PCDHGA7: variants seen among roughly 807,000 people sequenced by gnomAD.
PCDHGA7 encodes the protein protocadherin gamma subfamily A, 7.
Under a neutral mutation model 58.3 loss-of-function variants are expected in PCDHGA7, and 44 were observed. That is an observed-to-expected ratio of 0.75 (90% confidence interval 0.59 to 0.97). The LOEUF is 0.97. PCDHGA7 is among the 50% of genes least tolerant of loss of function. The pLI, the probability that PCDHGA7 is intolerant of heterozygous loss-of-function variation, is 0.00. For missense variants in PCDHGA7, 1,266 were observed against 1,188.7 expected, an observed-to-expected ratio of 1.06 and a Z score of -0.96; for synonymous variants, 516 against 504.2, an observed-to-expected ratio of 1.02 and a Z score of -0.31.
At chr5:141,404,806 G>A (rs774487660) in intron 1 of PCDHGA7, 29 of 1,613,874 alleles carry the variant, frequency 1.8e-5, no homozygotes, top group South Asian at 1.3e-4. Context: ...GGCTCTTCTC[G>A]GTGGGGCTGC....
At chr5:141,404,321 T>A (rs764642673) in intron 1 of PCDHGA7, 7 of 1,613,764 alleles carry the variant, frequency 4.3e-6, no homozygotes, top group Non-Finnish European at 3.4e-6. Flanking sequence ...TCAAGCCTCC[T>A]ACTCAGTCTA....
intron 1 of PCDHGA7, chr5:141,479,399 T>C (rs2099494765): frequency 6.6e-6 from 1 of 152,576 alleles, no homozygotes; most frequent in African/African-American, 2.4e-5. Flanking sequence ...AGTTCTGGGC[T>C]GTGGTGCACT....
intron 1 of PCDHGA7, among the ~76,000 whole-genome samples, chr5:141,464,886 A>T (rs541933775): frequency 5.2e-4 from 79 of 152,156 alleles, no homozygotes; most frequent in African/African-American, 1.9e-3. Flanking sequence ...CTACAGATGG[A>T]TGCCACCATG....
chr5:141,400,558 C>A, intron 1 of PCDHGA7: 1 of 1,613,290 alleles, frequency 6.2e-7, no homozygotes, highest in Non-Finnish European at 8.5e-7. Context: ...TTTTTCATTA[C>A]CCACCCAATT....
intron 1 of PCDHGA7, among the ~76,000 whole-genome samples, chr5:141,470,430 T>C (rs994304635): frequency 6.6e-6 from 1 of 152,232 alleles, no homozygotes; most frequent in Non-Finnish European, 1.5e-5. Flanking sequence ...TTTCCTTGTG[T>C]GCAATAATTT....
intron 3 of PCDHGA7, among the ~76,000 whole-genome samples, chr5:141,508,789 A>C: frequency 1.4e-5 from 2 of 145,944 alleles, no homozygotes; most frequent in African/African-American, 2.6e-5. Context: ...CCCCTAAATC[A>C]CTCTGGAATC....
intron 1 of PCDHGA7, among the ~76,000 whole-genome samples, chr5:141,474,705 A>C (rs114026580): frequency 0.01 from 1,561 of 152,324 alleles, 35 homozygotes; most frequent in African/African-American, 0.035. Context: ...TCAAGGTTCT[A>C]TTATACTTCA....
chr5:141,431,003 G>T lies in PCDHGA7; in HGVS notation c.2424+45680G>T, dbSNP rs2097334899. ...GCTTTTCGCCCTGAATCCGCGCAGC[G>T]GCAGCTTGGTCACGGCGGGCAGGAT... On this transcript the variant is annotated intron_variant, in intron 1 of 3. Coordinates refer to ENST00000518325, the MANE Select transcript of PCDHGA7 (RefSeq NM_018920.4). This position sits in a 1 kb window ranked among gnomAD's most constrained non-coding sequence, Gnocchi z 4.8. 1.9e-6 allele frequency: 3 copies of T among 1,613,960 alleles called. No homozygotes were observed. The highest frequency in any genetic ancestry group is 2.5e-6 in the Non-Finnish European group (3 of 1,179,982).
rs1243958567 is a variant in PCDHGA7, at chr5:141,418,557, T to C, written c.2424+33234T>C. 4.3e-6 allele frequency: 7 copies of C among 1,613,860 alleles called. No homozygotes were observed. The East Asian group carries it at 1.6e-4, about 36-fold the overall frequency. On this transcript the variant is annotated intron_variant, in intron 1 of 3. Coordinates refer to ENST00000518325, the MANE Select transcript of PCDHGA7 (RefSeq NM_018920.4). ...ACTGCTCAGATAAGAATCCTGGTAA[T>C]AGATGCCAATGACAACCCCCCAGTG... is the stretch of plus-strand genomic sequence containing the variant.
intron 2 of PCDHGA7, 145 bp downstream of exon 2, chr5:141,495,010 G>GT: frequency 6.6e-7 from 1 of 1,516,970 alleles, no homozygotes; most frequent in East Asian, 2.5e-5. Flanking sequence ...GTGTGCGGGG[G>GT]GCTGGCACAC....
rs774898388 is a variant in PCDHGA7, at chr5:141,491,593, A to G, written c.2425-3214A>G. 6.8e-6 allele frequency: 11 copies of G among 1,613,918 alleles called. No individual in the cohort carries two copies. In the Admixed American group the frequency reaches 1.2e-4, roughly 17 times the overall value. Reference sequence around the variant, plus strand: ...GTGCTTTTCACCGGCCTCGGACGGCAGTGACTTCACTTTTCTAAGACCCCT... The same window carrying G: ...GTGCTTTTCACCGGCCTCGGACGGCGGTGACTTCACTTTTCTAAGACCCCT... On this transcript the variant is annotated intron_variant, in intron 1 of 3. Transcript: ENST00000518325. This position sits in a 1 kb window ranked among gnomAD's most constrained non-coding sequence, Gnocchi z 6.9.
At chr5:141,400,860 A>G (rs77207205) in intron 1 of PCDHGA7, among the ~76,000 whole-genome samples, 6,447 of 152,342 alleles carry the variant, frequency 0.042, 220 homozygotes, top group African/African-American at 0.092. Flanking sequence ...TATTGTATGT[A>G]GATAAACCAT....
intron 2 of PCDHGA7, among the ~76,000 whole-genome samples, chr5:141,495,725 C>G (rs1339925752): frequency 1.3e-5 from 2 of 151,986 alleles, no homozygotes; most frequent in African/African-American, 4.8e-5. Flanking sequence ...TACACGGGAC[C>G]CTTAGTCTCT....
In PCDHGA7 at chr5:141,491,144, TGGA is replaced by T. The variant is rs757881044; in HGVS notation, c.2425-3659_2425-3657del. ...GAGGTGCGCACAGCCCGGGCCTTAC[TGGA>T]GGATGACTCTGACACCCAGCAGGTG... On this transcript the variant is annotated intron_variant, in intron 1 of 3. Coordinates refer to ENST00000518325, the MANE Select transcript of PCDHGA7 (RefSeq NM_018920.4). This position sits in a 1 kb window ranked among gnomAD's most constrained non-coding sequence, Gnocchi z 6.9. The T allele has an allele frequency of 1.2e-6, 2 of 1,614,158 alleles. No individual in the cohort carries two copies. The highest frequency in any genetic ancestry group is 2.2e-5 in the South Asian group (2 of 91,086).
In PCDHGA7 at chr5:141,431,326, T is replaced by G. The variant is rs1486136293; in HGVS notation, c.2424+46003T>G. 6.2e-7 allele frequency: 1 copy of G among 1,614,046 alleles called. No individual in the cohort carries two copies. Among genetic ancestry groups the G allele is most frequent in the Non-Finnish European group, 8.5e-7 (1 of 1,180,018 alleles). On this transcript the variant is annotated intron_variant, in intron 1 of 3. Transcript: ENST00000518325. This position sits in a 1 kb window ranked among gnomAD's most constrained non-coding sequence, Gnocchi z 4.8. Reference sequence around the variant, plus strand: ...TCGTGCAAAATGGAGCCGACGGTAGTAAGTACCCCGAATTGGTGCTGAAAC... The same window carrying G: ...TCGTGCAAAATGGAGCCGACGGTAGGAAGTACCCCGAATTGGTGCTGAAAC...
At chr5:141,458,064 C>T (rs886724551) in intron 1 of PCDHGA7, among the ~76,000 whole-genome samples, 14 of 152,104 alleles carry the variant, frequency 9.2e-5, no homozygotes, top group East Asian at 3.9e-4. Context: ...TGCACTGATG[C>T]GAACAACTAT....
intron 1 of PCDHGA7, chr5:141,409,546 C>A (rs775680397): frequency 6.2e-7 from 1 of 1,613,880 alleles, no homozygotes; most frequent in African/African-American, 1.3e-5. Flanking sequence ...TCAACGACAA[C>A]GCCCCAGTTT....
rs146860480 is a variant in PCDHGA7 at position 141,474,581 on chromosome 5, T to G, written c.2425-20226T>G. ...GGTTTTCAGAGATTAATTGAAGTGTTAAAGACATGGAAATATAGGTCACAT... is the reference window on the plus strand; with the variant it reads ...GGTTTTCAGAGATTAATTGAAGTGTGAAAGACATGGAAATATAGGTCACAT... On this transcript the variant is annotated intron_variant, in intron 1 of 3. Transcript: ENST00000518325. Among the ~76,000 whole-genome samples the G allele has an allele frequency of 7.1e-4, 108 of 152,358 alleles. No homozygotes were observed. The East Asian group carries it at 0.015, about 21-fold the overall frequency.
At chr5:141,500,877 A>C (rs2099803156) in intron 2 of PCDHGA7, among the ~76,000 whole-genome samples, 1 of 122,292 alleles carries the variant, frequency 8.2e-6, no homozygotes, top group African/African-American at 3.9e-5. Flanking sequence ...TTCATTTACA[A>C]TTTTTTTTTT....
Sources: allele counts gnomAD v4.1 joint callset (sites outside exome capture counted in the v4.1 genomes callset), GRCh38; gene constraint gnomAD v4.1.1; non-coding constraint Gnocchi (gnomAD v3.1); transcripts MANE v1.5; gene names NCBI Gene and HGNC (gene_info 2026-07-23, HGNC 2026-07-21).